PDZRN3: variants seen among roughly 807,000 people sequenced by gnomAD.
PDZRN3 encodes the protein E3 ubiquitin-protein ligase PDZRN3.
PDZRN3 carries 38 observed loss-of-function variants against 85.7 expected under a neutral mutation model. That is an observed-to-expected ratio of 0.44 (90% CI 0.34 to 0.58). PDZRN3 has a LOEUF of 0.58. Ranked by LOEUF, PDZRN3 falls within the 20% of genes least tolerant of loss-of-function variation. The probability of loss-of-function intolerance (pLI) is 0.01; values close to 1 mark genes in which losing one functional copy is unlikely to be tolerated. For missense variants in PDZRN3, 1,629 were observed against 1,506.4 expected (o/e 1.08, Z -1.35); for synonymous variants, 759 against 638.0 (o/e 1.19, Z -2.86).
intron 1 of PDZRN3, among the ~76,000 whole-genome samples, chr3:73,608,946 T>C (rs1245940956): frequency 6.6e-6 from 1 of 152,194 alleles, no homozygotes; most frequent in Non-Finnish European, 1.5e-5. Flanking sequence ...ACATGCCCAA[T>C]GAACATTTTC....
chr3:73,515,252 T>C (rs1704236884), intron 3 of PDZRN3, among the ~76,000 whole-genome samples: 1 of 146,002 alleles, frequency 6.8e-6, no homozygotes, highest in Admixed American at 7.1e-5. Context: ...CTCGGCTCAC[T>C]GCAAGCTCCG....
chr3:73,418,516 C>A (rs1451756074), intron 3 of PDZRN3, among the ~76,000 whole-genome samples: 1 of 152,136 alleles, frequency 6.6e-6, no homozygotes, highest in African/African-American at 2.4e-5. Flanking sequence ...ATAAGAGGAA[C>A]CTCACTAGAC....
At chr3:73,419,191 T>C (rs971988925) in intron 3 of PDZRN3, among the ~76,000 whole-genome samples, 1 of 152,138 alleles carries the variant, frequency 6.6e-6, no homozygotes, top group Non-Finnish European at 1.5e-5. Flanking sequence ...GATAATGCAA[T>C]TAGAACTTGA....
At chr3:73,540,518 C>T (rs983124454) in intron 3 of PDZRN3, among the ~76,000 whole-genome samples, 14 of 152,230 alleles carry the variant, frequency 9.2e-5, no homozygotes, top group East Asian at 1.9e-4. Flanking sequence ...ACTCAGTAGG[C>T]GGTAATTGAA....
At chr3:73,391,577 G>A (rs181980428) in intron 5 of PDZRN3, among the ~76,000 whole-genome samples, 2 of 152,270 alleles carry the variant, frequency 1.3e-5, no homozygotes, top group East Asian at 3.9e-4. Context: ...CACATAAATT[G>A]ATCCAAGAAA....
chr3:73,501,413 GCAC>G (rs1703975424), intron 3 of PDZRN3, among the ~76,000 whole-genome samples: 1 of 152,044 alleles, frequency 6.6e-6, no homozygotes, highest in African/African-American at 2.4e-5. Flanking sequence ...CTCCAACAGG[GCAC>G]ATCCATCCCA....
Position 73,425,502 on chromosome 3 carries a change from A to G in PDZRN3, c.919-21107T>C, listed in dbSNP as rs10049342. Among the ~76,000 whole-genome samples, 530 of 151,836 alleles carry G rather than the reference A, an allele frequency of 3.5e-3. 5 individuals are homozygous for G. Among genetic ancestry groups the G allele is most frequent in the African/African-American group, 0.012 (507 of 41,360 alleles). On this transcript the variant is annotated intron_variant, in intron 3 of 9. Transcript: ENST00000263666. ...ACCACTGCCCTAGCGGAATTTTTCT[A>G]CCTTGTGACTGATATAATCCTGTGA...
chr3:73,475,565 G>A (rs1356611139), intron 3 of PDZRN3, among the ~76,000 whole-genome samples: 3 of 152,172 alleles, frequency 2.0e-5, no homozygotes, highest in African/African-American at 7.2e-5. Flanking sequence ...AATGTCAAAT[G>A]CAGGCCTGAG....
chr3:73,569,463 C>A (rs750580714), intron 3 of PDZRN3: 21 of 1,121,552 alleles, frequency 1.9e-5, no homozygotes, highest in Non-Finnish European at 2.3e-5. Flanking sequence ...GGCGTCTACA[C>A]TGACAATTTC....
In PDZRN3 at chr3:73,624,606, G is replaced by T; in HGVS notation, c.220C>A (p.Leu74Ile). ...ELNHVLPLKRLILKLDIKCAY... is the reference protein window; with the variant it reads ...ELNHVLPLKRIILKLDIKCAY... ...CACTTGATGTCCAGCTTGAGGATAAGGCGCTTGAGCGGCAGGACGTGGTTG... is the reference window on the plus strand; with the variant it reads ...CACTTGATGTCCAGCTTGAGGATAATGCGCTTGAGCGGCAGGACGTGGTTG... The change falls in exon 1 of 10, where the codon CTT becomes ATT. Residue 74 changes from leucine (L) to isoleucine (I), a missense_variant. Transcript: ENST00000263666. 6.4e-7 allele frequency: 1 copy of T among 1,560,638 alleles called. No homozygotes were observed.
At chr3:73,525,556 C>A (rs1368424549) in intron 3 of PDZRN3, among the ~76,000 whole-genome samples, 1 of 152,200 alleles carries the variant, frequency 6.6e-6, no homozygotes, top group Non-Finnish European at 1.5e-5. Context: ...GGCACTAAAT[C>A]CGGAGAGAGA....
chr3:73,571,689 G>A (rs1702048577), intron 3 of PDZRN3, among the ~76,000 whole-genome samples: 1 of 152,176 alleles, frequency 6.6e-6, no homozygotes, highest in Non-Finnish European at 1.5e-5. Context: ...CCCCAGAGAA[G>A]AGCCTGGAGA....
rs1459313759 is a variant in PDZRN3, at chr3:73,384,105, T to A, written c.2461A>T (p.Thr821Ser). Residue 821 changes from threonine to serine, a missense_variant, in exon 10 of 10, where the codon ACC becomes TCC. Coordinates refer to ENST00000263666, the MANE Select transcript of PDZRN3 (RefSeq NM_015009.3). ...ITEDPEVGTPTYSPSLKELDP... is the reference protein window; with the variant it reads ...ITEDPEVGTPSYSPSLKELDP... ...AGCTCCTTCAGGGACGGGCTATAGG[T>A]AGGGGTGCCCACTTCGGGATCTTCC... is the stretch of plus-strand genomic sequence containing the variant. 1.2e-6 allele frequency: 2 copies of A among 1,613,892 alleles called. No individual in the cohort carries two copies. The highest frequency in any genetic ancestry group is 1.7e-6 in the Non-Finnish European group (2 of 1,179,970).
intron 3 of PDZRN3, among the ~76,000 whole-genome samples, chr3:73,597,166 G>A (rs1702441399): frequency 6.6e-6 from 1 of 152,054 alleles, no homozygotes; most frequent in Non-Finnish European, 1.5e-5. Context: ...ACTTTAGTGG[G>A]TCTCAGAACA....
chr3:73,578,889 A>C (rs1261443979), intron 3 of PDZRN3, among the ~76,000 whole-genome samples: 1 of 152,182 alleles, frequency 6.6e-6, no homozygotes, highest in East Asian at 1.9e-4. Context: ...TTGGTTTGCT[A>C]AAAGAGTATT....
intron 3 of PDZRN3, among the ~76,000 whole-genome samples, chr3:73,475,422 C>T (rs1575678642): frequency 6.6e-6 from 1 of 152,326 alleles, no homozygotes; most frequent in East Asian, 1.9e-4. Flanking sequence ...AATAATTCCT[C>T]CTCATGGCAG....
In PDZRN3 at chr3:73,583,877, T is replaced by G. The variant is rs1271245529; in HGVS notation, c.918+18477A>C. On this transcript the variant is annotated intron_variant, in intron 3 of 9. Transcript: ENST00000263666. ...CTAACATCAAGCAAAAATGGCTTAT[T>G]TCCAATCTCCAGAGACATTCAGCAA... Among the ~76,000 whole-genome samples, 3 of 152,208 alleles carry G rather than the reference T, an allele frequency of 2.0e-5. No individual in the cohort carries two copies. In the East Asian group the frequency reaches 5.8e-4, roughly 29 times the overall value.
chr3:73,462,542 C>A (rs1439356462), intron 3 of PDZRN3, among the ~76,000 whole-genome samples: 2,097 of 92,580 alleles, frequency 0.023, no homozygotes, highest in African/African-American at 0.043. Context: ...GACTCCGTCT[C>A]AAAAAAAAAA....
intron 5 of PDZRN3, among the ~76,000 whole-genome samples, chr3:73,399,168 C>T (rs973261766): frequency 6.6e-6 from 1 of 152,172 alleles, no homozygotes; most frequent in Non-Finnish European, 1.5e-5. Flanking sequence ...TCAAGTTTAA[C>T]TAAATACCAA....
Sources: gnomAD v4.1 joint callset for allele counts (sites outside exome capture counted in the v4.1 genomes callset) on GRCh38, gnomAD v4.1.1 for gene constraint, MANE v1.5 for transcripts, NCBI Gene and HGNC (gene_info 2026-07-23, HGNC 2026-07-21) for gene names.